The following BCL11B variants were observed in gnomAD, a reference collection of about 807,000 sequenced individuals.
BCL11B encodes the protein B-cell lymphoma/leukemia 11B.
BCL11B carries 8 observed loss-of-function variants against 49.9 expected under a neutral mutation model. That is an observed-to-expected ratio of 0.16 (90% confidence interval 0.09 to 0.29). The LOEUF (loss-of-function observed/expected upper bound fraction) is 0.29. Ranked by LOEUF, BCL11B falls within the 10% of genes least tolerant of loss-of-function variation. The pLI, the probability that BCL11B is intolerant of heterozygous loss-of-function variation, is 1.00. For synonymous variants in BCL11B, 739 were observed against 637.4 expected (o/e 1.16, Z -2.40); for missense variants, 1,006 against 1,351.0 (o/e 0.74, Z 4.00).
chr14:99,235,155 C>T (rs763835748), intron 2 of BCL11B, among the ~76,000 whole-genome samples: 2 of 152,238 alleles, frequency 1.3e-5, no homozygotes, highest in East Asian at 3.9e-4. Context: ...TTCCCCACCC[C>T]TGAAGCCTCT....
chr14:99,223,234 A>AT (rs1366413003), intron 3 of BCL11B, among the ~76,000 whole-genome samples: 1 of 151,976 alleles, frequency 6.6e-6, no homozygotes, highest in Non-Finnish European at 1.5e-5. Flanking sequence ...CAGTTCATTC[A>AT]TTTTTCCCCA....
chr14:99,257,395 C>T lies in BCL11B; in HGVS notation c.427+76G>A. On this transcript the variant is annotated intron_variant, in intron 2 of 3. Transcript: ENST00000357195. This position sits in a 1 kb window ranked among gnomAD's most constrained non-coding sequence, Gnocchi z 6.2. ...GGAAGCCCCTGGGCCTTCCCCTGCA[C>T]CAGCACACTCAGGCAGAGGGCATGG... The T allele has an allele frequency of 6.6e-6, 10 of 1,511,928 alleles. No individual in the cohort carries two copies. Among genetic ancestry groups the T allele is most frequent in the Non-Finnish European group, 8.9e-6 (10 of 1,126,304 alleles). The allele number at this position is 1,511,928 out of a possible 1,614,324, so 93.7% of individuals were successfully genotyped here.
intron 2 of BCL11B, among the ~76,000 whole-genome samples, chr14:99,253,758 C>T (rs1446162181): frequency 1.3e-5 from 2 of 152,192 alleles, no homozygotes; most frequent in Admixed American, 6.5e-5. Context: ...ACCTGGAACA[C>T]CTCTCAGCTC....
chr14:99,197,510 A>G (rs1257431), intron 3 of BCL11B, among the ~76,000 whole-genome samples: 141,647 of 152,204 alleles, frequency 0.93, 66,483 homozygotes, highest in Non-Finnish European at 0.98. Flanking sequence ...TTTTTTTCAC[A>G]AGGCAAGCCT....
At chr14:99,183,723 G>A (rs1017886944) in intron 3 of BCL11B, among the ~76,000 whole-genome samples, 2 of 151,896 alleles carry the variant, frequency 1.3e-5, no homozygotes, top group African/African-American at 4.8e-5. Flanking sequence ...CTGGAACTTG[G>A]GACTTTCTCT....
Position 99,173,914 on chromosome 14 carries a change from C to A in BCL11B, c.*237G>T. ...GCACATGCCAAAAAAATTACAAAAC[C>A]CAATAAATACAGAAATTATTGCACA... On this transcript the variant is annotated 3_prime_UTR_variant, in exon 4 of 4. Coordinates refer to ENST00000357195, the MANE Select transcript of BCL11B (RefSeq NM_138576.4). The A allele has an allele frequency of 4.7e-5, 25 of 527,862 alleles. No homozygotes were observed. Among genetic ancestry groups the A allele is most frequent in the South Asian group, 1.9e-4 (7 of 37,024 alleles). The allele number at this position is 527,862 out of a possible 1,614,324, so 32.7% of individuals were successfully genotyped here. A position where few individuals can be genotyped will look rare whatever the true frequency, so the allele number is the denominator to read the frequency against.
At chr14:99,191,915 T>C (rs1031566604) in intron 3 of BCL11B, among the ~76,000 whole-genome samples, 1 of 152,168 alleles carries the variant, frequency 6.6e-6, no homozygotes, top group South Asian at 2.1e-4. Flanking sequence ...TATGCCACTC[T>C]TTCACGCAGC....
intron 3 of BCL11B, among the ~76,000 whole-genome samples, chr14:99,181,531 C>A (rs767586388): frequency 9.9e-5 from 15 of 152,224 alleles, no homozygotes; most frequent in Non-Finnish European, 1.6e-4. Flanking sequence ...AGGCATTTAT[C>A]GTCAGGGCCT....
intron 2 of BCL11B, among the ~76,000 whole-genome samples, chr14:99,251,192 A>T (rs1325871808): frequency 6.6e-6 from 1 of 152,238 alleles, no homozygotes; most frequent in Non-Finnish European, 1.5e-5. Flanking sequence ...TCTGCCAGTA[A>T]CTAGTTATGT....
chr14:99,258,929 A>G lies in BCL11B; in HGVS notation c.59-1090T>C, dbSNP rs187498656. ...TGGGGGAGAGAGTAGGGAGCCTAGGACCCAAATATTTGGAAGCTAATAAAT... is the reference window on the plus strand; with the variant it reads ...TGGGGGAGAGAGTAGGGAGCCTAGGGCCCAAATATTTGGAAGCTAATAAAT... On this transcript the variant is annotated intron_variant, in intron 1 of 3. Coordinates refer to ENST00000357195, the MANE Select transcript of BCL11B (RefSeq NM_138576.4). Among the ~76,000 whole-genome samples, 491 of 152,020 alleles carry G rather than the reference A, an allele frequency of 3.2e-3. 5 individuals are homozygous for G. Among genetic ancestry groups the G allele is most frequent in the African/African-American group, 0.011 (459 of 41,450 alleles).
chr14:99,224,767 G>A (rs560309868), intron 3 of BCL11B, among the ~76,000 whole-genome samples: 2 of 152,304 alleles, frequency 1.3e-5, no homozygotes, highest in East Asian at 1.9e-4. Context: ...TTGGAGAGAG[G>A]AAGTAAGTGG....
At chr14:99,215,717 C>T (rs1248054538) in intron 3 of BCL11B, among the ~76,000 whole-genome samples, 1 of 152,214 alleles carries the variant, frequency 6.6e-6, no homozygotes, top group East Asian at 1.9e-4. Context: ...TGTTTGCTTT[C>T]AGCCAATCCC....
rs76807456 is a variant in BCL11B, at chr14:99,190,111, C to T, written c.641-13916G>A. On this transcript the variant is annotated intron_variant, in intron 3 of 3. Transcript: ENST00000357195. ...GGATGCAATGACACCTGGCACCCGACCCTACTGGGTGTCCCAATAATGAGC... is the reference window on the plus strand; with the variant it reads ...GGATGCAATGACACCTGGCACCCGATCCTACTGGGTGTCCCAATAATGAGC... 3.3e-3 allele frequency among the ~76,000 whole-genome samples: 510 copies of T among 152,362 alleles called. 21 individuals carry two copies. In the East Asian group the frequency reaches 0.087, roughly 26 times the overall value.
chr14:99,211,327 G>T (rs746735419), intron 3 of BCL11B, among the ~76,000 whole-genome samples: 3 of 152,206 alleles, frequency 2.0e-5, no homozygotes, highest in African/African-American at 7.2e-5. Flanking sequence ...CCCCATGAGA[G>T]CCTGCAGCTG....
chr14:99,175,633 G>A lies in BCL11B; in HGVS notation c.1203C>T (p.Ser401=). The A allele has an allele frequency of 1.3e-6, 2 of 1,562,888 alleles. No individual in the cohort carries two copies. The highest frequency in any genetic ancestry group is 2.3e-5 in the East Asian group (1 of 43,158). The part of the protein sequence containing the change: ...LLNPFQPSPK[S]PFLSTPPLPP... ...GCAGCGGCGGCGTGCTCAGGAACGG[G>A]GACTTGGGGCTGGGCTGGAAGGGGT... Residue 401 remains serine (S), a synonymous_variant, in exon 4 of 4, where the codon TCC becomes TCT. Coordinates refer to ENST00000357195, the MANE Select transcript of BCL11B (RefSeq NM_138576.4).
chr14:99,241,107 C>T lies in BCL11B; in HGVS notation c.428-9550G>A, dbSNP rs773582900. Among the ~76,000 whole-genome samples, 12 of 152,212 alleles carry T rather than the reference C, an allele frequency of 7.9e-5. No homozygotes were observed. The highest frequency in any genetic ancestry group is 2.6e-4 in the Admixed American group (4 of 15,280). On this transcript the variant is annotated intron_variant, in intron 2 of 3. Coordinates refer to ENST00000357195, the MANE Select transcript of BCL11B (RefSeq NM_138576.4). The surrounding 1 kb of genome is among the most constrained non-coding windows in gnomAD (Gnocchi z 4.4). ...CTGCAGAAACCCTGCAAAGATCCCG[C>T]GATAAGACAAGCCTCTTCTCCCTAC...
At chr14:99,176,650 A>T (rs1886543484) in intron 3 of BCL11B, among the ~76,000 whole-genome samples, 2 of 152,148 alleles carry the variant, frequency 1.3e-5, no homozygotes, top group Admixed American at 1.3e-4. Flanking sequence ...TCAAGGCACT[A>T]CTGACATTTA....
Position 99,231,310 on chromosome 14 carries a change from G to C in BCL11B, c.640+35C>G. 1 of 1,594,594 alleles carries C rather than the reference G, an allele frequency of 6.3e-7. No homozygotes were observed. Among genetic ancestry groups the C allele is most frequent in the South Asian group, 1.1e-5 (1 of 88,918 alleles). On this transcript the variant is annotated intron_variant, in intron 3 of 3. Transcript: ENST00000357195. The surrounding 1 kb of genome is among the most constrained non-coding windows in gnomAD (Gnocchi z 8.1). The stretch of plus-strand genomic sequence containing the variant: ...TGCCCATGGCACACCCCGCCATCCC[G>C]GGGGCCCGCCCCCCACCGCGGCGTC...
rs1047478678 is a variant in BCL11B at position 99,171,177 on chromosome 14, T to C, written c.*2974A>G. 1 of 228,686 alleles carries C rather than the reference T, an allele frequency of 4.4e-6. No individual in the cohort carries two copies. The highest frequency in any genetic ancestry group is 8.7e-6 in the Non-Finnish European group (1 of 115,034). The allele number at this position is 228,686 out of a possible 1,614,324, so 14.2% of individuals were successfully genotyped here. On this transcript the variant is annotated 3_prime_UTR_variant, in exon 4 of 4. Coordinates refer to ENST00000357195, the MANE Select transcript of BCL11B (RefSeq NM_138576.4). Reference sequence around the variant, plus strand: ...GAGCCTTGATGCAAGGTTCGGGGCGTTCAGAGAGAAGCCCAACACGAACGG... The same window carrying C: ...GAGCCTTGATGCAAGGTTCGGGGCGCTCAGAGAGAAGCCCAACACGAACGG...
Sources: allele counts gnomAD v4.1 joint callset (sites outside exome capture counted in the v4.1 genomes callset), GRCh38; gene constraint gnomAD v4.1.1; non-coding constraint Gnocchi (gnomAD v3.1); transcripts MANE v1.5; gene names NCBI Gene and HGNC (gene_info 2026-07-23, HGNC 2026-07-21).